The following ATP8A1 variants were observed in gnomAD, a reference collection of about 807,000 sequenced individuals.
ATP8A1 encodes the protein phospholipid-transporting ATPase IA.
Under a neutral mutation model 177.7 loss-of-function variants are expected in ATP8A1, and 90 were observed. The observed-to-expected ratio is 0.51, with a 90% CI of 0.43 to 0.60. The LOEUF (loss-of-function observed/expected upper bound fraction) is 0.60, where lower values mean the gene tolerates loss of function less well. Ranked by LOEUF, ATP8A1 falls within the 20% of genes least tolerant of loss-of-function variation. The pLI, the probability that ATP8A1 is intolerant of heterozygous loss-of-function variation, is 0.00. For missense variants in ATP8A1, 1,072 were observed against 1,392.8 expected, an observed-to-expected ratio of 0.77 and a Z score of 3.67; for synonymous variants, 493 against 485.9, an observed-to-expected ratio of 1.01 and a Z score of -0.19.
At position 42,524,754 on chromosome 4, in the gene ATP8A1, T is replaced by C. The variant is rs1726508774; in HGVS notation, c.1807+9A>G. The C allele has an allele frequency of 6.3e-7, 1 of 1,582,078 alleles. No individual in the cohort carries two copies. Among genetic ancestry groups the C allele is most frequent in the South Asian group, 1.1e-5 (1 of 88,792 alleles). On this transcript the variant is annotated intron_variant, in intron 21 of 36. Transcript: ENST00000381668. ...TTTTAATCATGCTTTATTGCCAAAT[T>C]ACACTTACCTTCTGTAGCAAACTGC... is the stretch of plus-strand genomic sequence containing the variant.
At chr4:42,636,211 ATAAT>A (rs1278572495) in intron 1 of ATP8A1, among the ~76,000 whole-genome samples, 3 of 143,776 alleles carry the variant, frequency 2.1e-5, no homozygotes, top group South Asian at 4.6e-4. Flanking sequence ...TCTTGGCTGA[ATAAT>A]TAAGATGTTT....
chr4:42,598,099 T>C (rs907720135), intron 6 of ATP8A1, among the ~76,000 whole-genome samples: 1 of 152,138 alleles, frequency 6.6e-6, no homozygotes, highest in Non-Finnish European at 1.5e-5. Flanking sequence ...TCTAATTCCA[T>C]AGATTTTGAG....
intron 22 of ATP8A1, among the ~76,000 whole-genome samples, chr4:42,512,805 C>A (rs983037118): frequency 2.6e-5 from 4 of 152,130 alleles, no homozygotes; most frequent in Admixed American, 2.0e-4. Context: ...TACGGTGAAG[C>A]CTGGAAATGT....
Position 42,470,930 on chromosome 4 carries a change from A to T in ATP8A1, c.2325-5854T>A, listed in dbSNP as rs755663447. On this transcript the variant is annotated intron_variant, in intron 25 of 36. Transcript: ENST00000381668. The stretch of plus-strand genomic sequence containing the variant: ...ATATCAGTGTATTTCCAACTGACTC[A>T]TATTTTGTTGACTATTTACAGAAAT... Among the ~76,000 whole-genome samples, 35 of 152,326 alleles carry T rather than the reference A, an allele frequency of 2.3e-4. 1 individual carries two copies. The highest frequency in any genetic ancestry group is 6.2e-4 in the South Asian group (3 of 4,824).
In ATP8A1 at chr4:42,495,120, T is replaced by C. The variant is rs904097259; in HGVS notation, c.2151+8330A>G. 4.6e-5 allele frequency among the ~76,000 whole-genome samples: 7 copies of C among 152,376 alleles called. No individual in the cohort carries two copies. In the South Asian group the frequency reaches 1.4e-3, roughly 32 times the overall value. ...GGTTTGAGGCTCCACCTCATCATCA[T>C]TTAAGACGTGAGGTATTTACAAATT... On this transcript the variant is annotated intron_variant, in intron 24 of 36. Transcript: ENST00000381668.
chr4:42,552,050 CAAAT>C (rs1729553578), intron 17 of ATP8A1, among the ~76,000 whole-genome samples: 1 of 152,104 alleles, frequency 6.6e-6, no homozygotes, highest in Non-Finnish European at 1.5e-5. Context: ...TTTCCTCACC[CAAAT>C]AAATACACAA....
chr4:42,459,426 C>A, intron 27 of ATP8A1: 1 of 225,404 alleles, frequency 4.4e-6, no homozygotes, highest in South Asian at 4.7e-5. Context: ...ATAAAATTAA[C>A]TTTTTATAAG....
chr4:42,632,980 A>C (rs1288183183), intron 1 of ATP8A1, among the ~76,000 whole-genome samples: 1 of 152,212 alleles, frequency 6.6e-6, no homozygotes, highest in Non-Finnish European at 1.5e-5. Flanking sequence ...AGTTTTGTTC[A>C]GAAGAGCAGG....
chr4:42,485,346 C>T, intron 25 of ATP8A1, 150 bp downstream of exon 25: 1 of 576,756 alleles, frequency 1.7e-6, no homozygotes, highest in Non-Finnish European at 2.8e-6. Flanking sequence ...CAAATTCCAT[C>T]CCAGTTTGTG....
intron 25 of ATP8A1, among the ~76,000 whole-genome samples, chr4:42,479,403 T>C (rs1028819912): frequency 2.0e-5 from 3 of 152,218 alleles, no homozygotes; most frequent in Non-Finnish European, 2.9e-5. Flanking sequence ...AAGTAATCAC[T>C]GGAAACCATC....
intron 1 of ATP8A1, among the ~76,000 whole-genome samples, chr4:42,650,882 T>C (rs1446904866): frequency 2.0e-5 from 3 of 152,152 alleles, no homozygotes; most frequent in African/African-American, 7.2e-5. Context: ...ATCTGAGAAC[T>C]TCACTGTGAC....
intron 1 of ATP8A1, among the ~76,000 whole-genome samples, chr4:42,653,358 T>C (rs1380643095): frequency 1.3e-5 from 2 of 152,190 alleles, no homozygotes; most frequent in Non-Finnish European, 2.9e-5. Context: ...CCTGCCTCAC[T>C]AGAAAGTAAG....
chr4:42,419,901 G>A (rs1446230412), intron 35 of ATP8A1, among the ~76,000 whole-genome samples: 2 of 152,162 alleles, frequency 1.3e-5, no homozygotes, highest in Non-Finnish European at 2.9e-5. Context: ...TACTAGGGAG[G>A]CTGAGGCAGG....
At chr4:42,495,445 G>A (rs1578048499) in intron 24 of ATP8A1, among the ~76,000 whole-genome samples, 1 of 152,100 alleles carries the variant, frequency 6.6e-6, no homozygotes, top group Non-Finnish European at 1.5e-5. Flanking sequence ...TACTGCAGGT[G>A]GTAGTAAAAG....
At chr4:42,447,077 C>T (rs1026202561) in intron 30 of ATP8A1, among the ~76,000 whole-genome samples, 2 of 152,210 alleles carry the variant, frequency 1.3e-5, no homozygotes, top group Admixed American at 1.3e-4. Flanking sequence ...GGCCAAGGAA[C>T]ACCAGTATGG....
intron 15 of ATP8A1, among the ~76,000 whole-genome samples, chr4:42,568,394 A>G (rs1410023019): frequency 6.6e-6 from 1 of 152,210 alleles, no homozygotes; most frequent in African/African-American, 2.4e-5. Context: ...ATAAATTCTC[A>G]ATGTTTTCTA....
Position 42,586,342 on chromosome 4 carries a change from T to C in ATP8A1, c.722+7A>G, listed in dbSNP as rs1267841557. On this transcript the variant is annotated splice_region_variant and intron_variant, in intron 9 of 36. Coordinates refer to ENST00000381668, the MANE Select transcript of ATP8A1 (RefSeq NM_006095.2). ...TCTGTGTTTTTATAAAGACGGATTT[T>C]ACATACCCATGTCCATCAAGCCTTA... 19 of 1,613,426 alleles carry C rather than the reference T, an allele frequency of 1.2e-5. No homozygotes were observed. The highest frequency in any genetic ancestry group is 2.7e-5 in the African/African-American group (2 of 74,888).
chr4:42,509,029 T>C (rs902510843), intron 22 of ATP8A1, among the ~76,000 whole-genome samples: 1 of 152,214 alleles, frequency 6.6e-6, no homozygotes, highest in Admixed American at 6.5e-5. Context: ...CTGCATTAGT[T>C]TGGAATGCTT....
intron 1 of ATP8A1, among the ~76,000 whole-genome samples, chr4:42,633,837 G>A (rs558371295): frequency 6.7e-4 from 102 of 152,250 alleles, no homozygotes; most frequent in African/African-American, 2.2e-3. Flanking sequence ...CAGAGAAGAC[G>A]TCTCAAGGAG....
Sources: allele counts gnomAD v4.1 joint callset (sites outside exome capture counted in the v4.1 genomes callset), GRCh38; gene constraint gnomAD v4.1.1; transcripts MANE v1.5; gene names NCBI Gene and HGNC (gene_info 2026-07-23, HGNC 2026-07-21).